INTS4: variants seen among roughly 807,000 people sequenced by gnomAD.
INTS4 encodes integrator complex subunit 4, also known as MSTP093.
Under a neutral mutation model 119.5 loss-of-function variants are expected in INTS4, and 70 were observed. The observed-to-expected ratio is 0.59, with a 90% CI of 0.48 to 0.71. The LOEUF (loss-of-function observed/expected upper bound fraction) is 0.71, where lower values mean the gene tolerates loss of function less well. Among genes scored for constraint, INTS4 ranks in the 30% least tolerant of loss-of-function variants. The probability of loss-of-function intolerance (pLI) is 0.00; values close to 1 mark genes in which losing one functional copy is unlikely to be tolerated. For missense variants in INTS4, 867 were observed against 1,173.2 expected, an observed-to-expected ratio of 0.74 and a Z score of 3.81; for synonymous variants, 316 against 419.6, an observed-to-expected ratio of 0.75 and a Z score of 3.02.
At chr11:77,976,888 G>A (rs1190230115) in intron 4 of INTS4, among the ~76,000 whole-genome samples, 1 of 151,998 alleles carries the variant, frequency 6.6e-6, no homozygotes, top group African/African-American at 2.4e-5. Context: ...AGAACACATG[G>A]ACACAGGAAG....
chr11:77,986,070 T>C (rs139343287), intron 2 of INTS4, among the ~76,000 whole-genome samples: 70 of 152,360 alleles, frequency 4.6e-4, no homozygotes, highest in South Asian at 2.5e-3. Context: ...CCTCCTCATT[T>C]CCTTAGGAGC....
Position 77,986,782 on chromosome 11 carries a change from A to G in INTS4, c.246+4326T>C, listed in dbSNP as rs553611984. 1.4e-3 allele frequency among the ~76,000 whole-genome samples: 217 copies of G among 152,024 alleles called. 1 individual carries two copies. The highest frequency in any genetic ancestry group is 5.0e-3 in the African/African-American group (207 of 41,442). ...TGTTCTCACTCATAGGTGGGAATTG[A>G]ACAGTGAGAACACTTGGACACAGGG... is the stretch of plus-strand genomic sequence containing the variant. On this transcript the variant is annotated intron_variant, in intron 2 of 22. Coordinates refer to ENST00000534064, the MANE Select transcript of INTS4 (RefSeq NM_033547.4).
intron 8 of INTS4, among the ~76,000 whole-genome samples, chr11:77,946,633 C>T (rs867140157): frequency 9.2e-5 from 14 of 151,918 alleles, no homozygotes; most frequent in Middle Eastern, 6.8e-3. Context: ...TGGTGGCATG[C>T]GCCTGTAGTC....
In INTS4 at chr11:77,922,449, G is replaced by A. The variant is rs1250313915; in HGVS notation, c.1537C>T (p.Arg513Trp). ...AAGGGAAGCACCAGGGTTGGATGCC[G>A]ACTTCCCAGAAACTTCAAGCACCTG... ...IWKCLKFLGS[R>W]HPTLVLPLVP... Residue 513 changes from arginine (R) to tryptophan (W), a missense_variant, in exon 13 of 23, where the codon CGG (arginine) becomes TGG (tryptophan). This residue lies in a region of INTS4 where 51 missense variants were observed against 125.5 expected (regional missense o/e 0.41). Transcript: ENST00000534064. 5.4e-6 allele frequency: 8 copies of A among 1,476,794 alleles called. No individual in the cohort carries two copies. The highest frequency in any genetic ancestry group is 7.3e-6 in the Non-Finnish European group (8 of 1,098,928). 91.5% of individuals were successfully genotyped at this position (1,476,794 alleles called of 1,614,324 possible).
At chr11:77,941,513 G>C (rs953576647) in intron 8 of INTS4, among the ~76,000 whole-genome samples, 2 of 150,010 alleles carry the variant, frequency 1.3e-5, no homozygotes, top group Non-Finnish European at 2.9e-5. Context: ...ACCCAGGCTG[G>C]AGTGCAGTGG....
chr11:77,932,240 C>T (rs200862710), intron 10 of INTS4, among the ~76,000 whole-genome samples: 1 of 151,776 alleles, frequency 6.6e-6, no homozygotes, highest in Admixed American at 6.6e-5. Flanking sequence ...AACAAATTTC[C>T]AAAAAACAAA....
At chr11:77,990,660 T>C (rs1377241590) in intron 2 of INTS4, among the ~76,000 whole-genome samples, 6 of 128,190 alleles carry the variant, frequency 4.7e-5, no homozygotes, top group Non-Finnish European at 9.2e-5. Flanking sequence ...CACTCCAGCA[T>C]GGGCAACAGA....
At chr11:77,957,380 C>G (rs1445654951) in intron 7 of INTS4, among the ~76,000 whole-genome samples, 1 of 151,880 alleles carries the variant, frequency 6.6e-6, no homozygotes, top group Non-Finnish European at 1.5e-5. Flanking sequence ...AAAACCTCAT[C>G]TCTACTAAAA....
At chr11:77,908,030 T>C (rs904926115) in intron 15 of INTS4, among the ~76,000 whole-genome samples, 4 of 146,172 alleles carry the variant, frequency 2.7e-5, no homozygotes, top group African/African-American at 1.0e-4. Context: ...AACCGTACTG[T>C]TATAAAGGCA....
chr11:77,985,733 A>T (rs1375566189), intron 2 of INTS4, among the ~76,000 whole-genome samples: 1 of 152,242 alleles, frequency 6.6e-6, no homozygotes, highest in African/African-American at 2.4e-5. Flanking sequence ...ATGAAAAAAT[A>T]AGCAAATGGA....
chr11:77,941,374 C>T (rs112337042), intron 8 of INTS4, 123 bp from the exon 9 acceptor site: 210,051 of 1,043,594 alleles, frequency 0.2, 21,882 homozygotes, highest in Non-Finnish European at 0.21. Flanking sequence ...AGTAAAGATG[C>T]TATGGGTTCT....
At chr11:77,921,834 C>T (rs542089207) in intron 13 of INTS4, among the ~76,000 whole-genome samples, 2 of 152,206 alleles carry the variant, frequency 1.3e-5, no homozygotes, top group East Asian at 3.9e-4. Flanking sequence ...AGTTTGAGAC[C>T]AGCCTGGGCA....
intron 3 of INTS4, 106 bp from the exon 4 acceptor site, chr11:77,979,208 C>G: frequency 6.5e-6 from 4 of 618,462 alleles, no homozygotes; most frequent in South Asian, 4.9e-5. Flanking sequence ...CAGTGACTCA[C>G]AACTGTAATC....
chr11:77,920,296 C>G (rs1473175780), intron 14 of INTS4, among the ~76,000 whole-genome samples: 1 of 113,808 alleles, frequency 8.8e-6, no homozygotes, highest in Non-Finnish European at 1.9e-5. Flanking sequence ...TATATATACA[C>G]ACATATATAT....
At chr11:77,943,684 A>C (rs1420981886) in intron 8 of INTS4, among the ~76,000 whole-genome samples, 1 of 152,218 alleles carries the variant, frequency 6.6e-6, no homozygotes, top group Non-Finnish European at 1.5e-5. Flanking sequence ...GCACTACTTA[A>C]CAACCTAAAT....
Position 77,883,842 on chromosome 11 carries a change from G to A in INTS4, c.2703C>T (p.Thr901=), listed in dbSNP as rs765103267. 6.8e-6 allele frequency: 11 copies of A among 1,612,796 alleles called. No homozygotes were observed. In the East Asian group the frequency reaches 1.3e-4, roughly 20 times the overall value. The change falls in exon 22 of 23, where the codon ACC becomes ACT. Residue 901 remains threonine, a synonymous_variant. Coordinates refer to ENST00000534064, the MANE Select transcript of INTS4 (RefSeq NM_033547.4). ...RLITQVYLSH[T]AWTEACQVEV... ...GTCCTGACTCCTTACCTGTCCAAGC[G>A]GTGTGGGAGAGATAAACCTGAGTGA...
intron 4 of INTS4, 84 bp from the exon 5 acceptor site, chr11:77,961,222 A>T (rs1954468658): frequency 7.0e-7 from 1 of 1,420,118 alleles, no homozygotes; most frequent in African/African-American, 1.4e-5. Context: ...AGACAAGACC[A>T]GAAACAAAAG....
intron 10 of INTS4, among the ~76,000 whole-genome samples, chr11:77,935,776 G>A (rs1953773985): frequency 6.6e-6 from 1 of 151,678 alleles, no homozygotes; most frequent in Non-Finnish European, 1.5e-5. Context: ...TCCACCTGTG[G>A]TCCTAATTAC....
intron 8 of INTS4, among the ~76,000 whole-genome samples, chr11:77,953,446 G>A (rs1441583871): frequency 1.3e-5 from 2 of 152,062 alleles, no homozygotes; most frequent in South Asian, 2.1e-4. Context: ...AGGTAAATAT[G>A]AGAGATATTA....
Sources: allele counts gnomAD v4.1 joint callset (sites outside exome capture counted in the v4.1 genomes callset), GRCh38; gene constraint gnomAD v4.1.1; regional missense constraint gnomAD v4.1.1; transcripts MANE v1.5; gene names NCBI Gene and HGNC (gene_info 2026-07-23, HGNC 2026-07-21).